The following WDR7 variants were observed in gnomAD, a reference collection of about 807,000 sequenced individuals.
WDR7 encodes the protein WD repeat-containing protein 7.
A neutral mutation model predicts 169.4 loss-of-function variants in WDR7; 46 were observed. That is an observed-to-expected ratio of 0.27 (90% CI 0.21 to 0.35). The LOEUF is 0.35. WDR7 is among the 10% of genes least tolerant of loss of function. The probability of loss-of-function intolerance (pLI) is 1.00; values close to 1 mark genes in which losing one functional copy is unlikely to be tolerated. For missense variants in WDR7, 1,534 were observed against 1,859.3 expected (o/e 0.83, Z 3.22); for synonymous variants, 612 against 666.8 (o/e 0.92, Z 1.27).
intron 23 of WDR7, among the ~76,000 whole-genome samples, chr18:56,938,020 G>A (rs528426088): frequency 6.6e-6 from 1 of 152,240 alleles, no homozygotes; most frequent in South Asian, 2.1e-4. Context: ...CATCATAAAG[G>A]TCTTCATCCT....
intron 13 of WDR7, among the ~76,000 whole-genome samples, chr18:56,727,952 C>A (rs190288068): frequency 6.6e-6 from 1 of 152,192 alleles, no homozygotes; most frequent in African/African-American, 2.4e-5. Flanking sequence ...TTAGTTCTAT[C>A]CCCCTTTCAA....
At chr18:56,763,874 TATC>T (rs1466083833) in intron 16 of WDR7, among the ~76,000 whole-genome samples, 1 of 152,170 alleles carries the variant, frequency 6.6e-6, no homozygotes, top group South Asian at 2.1e-4. Context: ...TTGCTTTTAC[TATC>T]ATATTTGTAG....
rs539456155 is a variant in WDR7, at chr18:56,917,176, G to A, written c.3527-6746G>A. 2.6e-5 allele frequency among the ~76,000 whole-genome samples: 4 copies of A among 151,972 alleles called. No individual in the cohort carries two copies. The East Asian group carries it at 5.8e-4, about 22-fold the overall frequency. On this transcript the variant is annotated intron_variant, in intron 21 of 27. Coordinates refer to ENST00000254442, the MANE Select transcript of WDR7 (RefSeq NM_015285.3). Reference sequence around the variant, plus strand: ...CATGCCGTTGCACTCCAGCCTGGGCGACAGGGTGACATTCCGTCTCAAAAA... The same window carrying A: ...CATGCCGTTGCACTCCAGCCTGGGCAACAGGGTGACATTCCGTCTCAAAAA...
intron 1 of WDR7, among the ~76,000 whole-genome samples, chr18:56,667,642 T>A (rs2025052385): frequency 6.6e-6 from 1 of 152,232 alleles, no homozygotes; most frequent in African/African-American, 2.4e-5. Flanking sequence ...ATAATGCCCA[T>A]CCTTTACTTA....
intron 21 of WDR7, among the ~76,000 whole-genome samples, chr18:56,893,610 C>T (rs1369677937): frequency 6.6e-6 from 1 of 152,074 alleles, no homozygotes. Context: ...TGCTCATGGA[C>T]TTCTTGTTGC....
At chr18:56,808,317 T>C (rs1239283396) in intron 19 of WDR7, among the ~76,000 whole-genome samples, 1 of 152,164 alleles carries the variant, frequency 6.6e-6, no homozygotes, top group Admixed American at 6.5e-5. Flanking sequence ...AATTATTGCC[T>C]CCAGTGTACT....
intron 16 of WDR7, among the ~76,000 whole-genome samples, chr18:56,760,479 A>G (rs1461263884): frequency 6.6e-6 from 1 of 152,146 alleles, no homozygotes; most frequent in Admixed American, 6.5e-5. Flanking sequence ...CTTTTGTGAC[A>G]TTTATCAGTG....
At chr18:56,714,346 T>C (rs1239099590) in intron 12 of WDR7, among the ~76,000 whole-genome samples, 1 of 152,164 alleles carries the variant, frequency 6.6e-6, no homozygotes, top group Non-Finnish European at 1.5e-5. Context: ...TTATTTTGGC[T>C]ACTTCCAGTC....
In WDR7 at chr18:56,657,161, CT is replaced by C. The variant is rs779751073; in HGVS notation, c.-20+5600del. On this transcript the variant is annotated intron_variant, in intron 1 of 27. Coordinates refer to ENST00000254442, the MANE Select transcript of WDR7 (RefSeq NM_015285.3). ...GTGACAGTTTTTTAATTTGTTGGGA[CT>C]TTTTTTTTTTTTTTAGATGGAGTCT... Among the ~76,000 whole-genome samples, 1,031 of 136,672 alleles carry C rather than the reference CT, an allele frequency of 7.5e-3. 6 individuals carry two copies. The highest frequency in any genetic ancestry group is 0.042 in the East Asian group (200 of 4,784). The allele number at this position is 136,672 out of a possible 152,430, so 89.7% of individuals were successfully genotyped here.
chr18:56,830,415 C>G (rs896817633), intron 20 of WDR7, among the ~76,000 whole-genome samples: 2 of 152,080 alleles, frequency 1.3e-5, no homozygotes, highest in Admixed American at 6.6e-5. Flanking sequence ...ATTGCTAATG[C>G]CCTCATTATT....
At chr18:56,934,649 TAAC>T (rs1204299709) in intron 22 of WDR7, among the ~76,000 whole-genome samples, 1 of 152,056 alleles carries the variant, frequency 6.6e-6, no homozygotes, top group East Asian at 1.9e-4. Flanking sequence ...GAATTTCCTT[TAAC>T]AATGAAGAGA....
chr18:56,988,590 A>AGCGT (rs2047760162), intron 26 of WDR7, among the ~76,000 whole-genome samples: 1 of 142,606 alleles, frequency 7.0e-6, no homozygotes. Flanking sequence ...ATGGAAGGCA[A>AGCGT]GTGTGTGTGT....
intron 27 of WDR7, among the ~76,000 whole-genome samples, chr18:57,025,689 T>C (rs1433815792): frequency 6.6e-6 from 1 of 152,196 alleles, no homozygotes. Flanking sequence ...TTACTCAAGA[T>C]GATTTAAATT....
At chr18:56,905,259 A>G (rs1599145372) in intron 21 of WDR7, among the ~76,000 whole-genome samples, 1 of 152,042 alleles carries the variant, frequency 6.6e-6, no homozygotes, top group Admixed American at 6.6e-5. Context: ...AGAGATTCTC[A>G]TGCCTCAGCC....
chr18:56,844,972 G>A (rs2045545753), intron 20 of WDR7, among the ~76,000 whole-genome samples: 1 of 152,124 alleles, frequency 6.6e-6, no homozygotes, highest in African/African-American at 2.4e-5. Context: ...ATGCCATTCT[G>A]TGCCTAATTT....
chr18:56,729,405 T>A (rs1598996522), intron 13 of WDR7, among the ~76,000 whole-genome samples: 1 of 152,184 alleles, frequency 6.6e-6, no homozygotes, highest in Admixed American at 6.5e-5. Context: ...TGTAAATATA[T>A]CCTGTTAACC....
rs369497422 is a variant in WDR7, at chr18:56,744,835, G to A, written c.1990-11748G>A. ...CTCCAAGAGGCTGAAGAGCAGATGT[G>A]GGGGAGATCTGGAACTCTAGAAGGT... is the stretch of plus-strand genomic sequence containing the variant. On this transcript the variant is annotated intron_variant, in intron 14 of 27. Transcript: ENST00000254442. 3.1e-4 allele frequency among the ~76,000 whole-genome samples: 47 copies of A among 152,274 alleles called. 1 individual carries two copies. The East Asian group carries it at 7.3e-3, about 24-fold the overall frequency.
Position 56,801,318 on chromosome 18 carries a change from G to A in WDR7, c.3191-14713G>A, listed in dbSNP as rs188856518. Among the ~76,000 whole-genome samples, 5 of 152,022 alleles carry A rather than the reference G, an allele frequency of 3.3e-5. No homozygotes were observed. In the East Asian group the frequency reaches 9.6e-4, roughly 29 times the overall value. On this transcript the variant is annotated intron_variant, in intron 19 of 27. Coordinates refer to ENST00000254442, the MANE Select transcript of WDR7 (RefSeq NM_015285.3). ...TTAGCTTTACATTAACCAGTTTTTT[G>A]GCCTGTTTTCCAAAGTTACTTAGGT...
Position 56,731,370 on chromosome 18 carries a change from A to AT in WDR7, c.1775-8dup, listed in dbSNP as rs769145489. 1 of 1,609,068 alleles carries AT rather than the reference A, an allele frequency of 6.2e-7. No individual in the cohort carries two copies. The highest frequency in any genetic ancestry group is 1.1e-5 in the South Asian group (1 of 90,914). On this transcript the variant is annotated splice_polypyrimidine_tract_variant and intron_variant, in intron 13 of 27. Coordinates refer to ENST00000254442, the MANE Select transcript of WDR7 (RefSeq NM_015285.3). Reference sequence around the variant, plus strand: ...AGTGTTATGAAATATTTGTGAATATATTTTTCTCGCAGGTGCATTGGATCG... The same window carrying AT: ...AGTGTTATGAAATATTTGTGAATATATTTTTTCTCGCAGGTGCATTGGATCG...
Sources: allele counts gnomAD v4.1 joint callset (sites outside exome capture counted in the v4.1 genomes callset), GRCh38; gene constraint gnomAD v4.1.1; transcripts MANE v1.5; gene names NCBI Gene and HGNC (gene_info 2026-07-23, HGNC 2026-07-21).